The following TRPM3 variants were observed in gnomAD, a reference collection of about 807,000 sequenced individuals.
TRPM3 encodes the protein long transient receptor potential channel 3.
Under a neutral mutation model 181.2 loss-of-function variants are expected in TRPM3, and 77 were observed. The observed-to-expected ratio is 0.42, with a 90% confidence interval of 0.35 to 0.51. The LOEUF (loss-of-function observed/expected upper bound fraction) is 0.51, where lower values mean the gene tolerates loss of function less well. TRPM3 is among the 20% of genes least tolerant of loss of function. TRPM3 has a pLI of 0.01. For missense variants in TRPM3, 1,759 were observed against 2,196.7 expected, an observed-to-expected ratio of 0.80 and a Z score of 3.98; for synonymous variants, 745 against 796.4, an observed-to-expected ratio of 0.94 and a Z score of 1.09.
chr9:71,188,775 A>G (rs1014452923), intron 1 of TRPM3, among the ~76,000 whole-genome samples: 21 of 151,982 alleles, frequency 1.4e-4, no homozygotes, highest in Non-Finnish European at 2.1e-4. Flanking sequence ...GTGACAGTGA[A>G]CAAGTTACTC....
intron 1 of TRPM3, among the ~76,000 whole-genome samples, chr9:71,278,325 A>G (rs1310999608): frequency 6.6e-6 from 1 of 152,196 alleles, no homozygotes; most frequent in East Asian, 1.9e-4. Flanking sequence ...GAACATTAGC[A>G]CTTGGCCATG....
At chr9:70,675,470 C>T (rs1246883293) in intron 9 of TRPM3, among the ~76,000 whole-genome samples, 1 of 152,096 alleles carries the variant, frequency 6.6e-6, no homozygotes, top group African/African-American at 2.4e-5. Context: ...CTCCATGTAT[C>T]TATAAGTAAT....
Position 70,990,373 on chromosome 9 carries a change from C to T in TRPM3, c.178-125862G>A, listed in dbSNP as rs963802931. ...TGGCAGTAAAAATGAATGAGATTGC[C>T]TGCTTTAAAACTTCTGCCTAGAGCC... On this transcript the variant is annotated intron_variant, in intron 1 of 25. Transcript: ENST00000677713. Among the ~76,000 whole-genome samples the T allele has an allele frequency of 9.2e-5, 14 of 152,210 alleles. No individual in the cohort carries two copies. In the South Asian group the frequency reaches 2.1e-3, roughly 23 times the overall value.
chr9:71,072,727 A>T (rs2062938565), intron 1 of TRPM3, among the ~76,000 whole-genome samples: 1 of 152,196 alleles, frequency 6.6e-6, no homozygotes, highest in African/African-American at 2.4e-5. Context: ...ACTGGAGGCT[A>T]TGTGAGTAAA....
At chr9:71,367,129 C>T (rs1468670985) in intron 1 of TRPM3, among the ~76,000 whole-genome samples, 2 of 152,104 alleles carry the variant, frequency 1.3e-5, no homozygotes, top group Non-Finnish European at 2.9e-5. Context: ...CAATTTCCTT[C>T]CTTAAAATAA....
intron 12 of TRPM3, among the ~76,000 whole-genome samples, chr9:70,630,314 C>T (rs1321158866): frequency 6.6e-6 from 1 of 152,244 alleles, no homozygotes; most frequent in African/African-American, 2.4e-5. Flanking sequence ...ATGACCACTA[C>T]TTGGCAGGCT....
chr9:70,785,400 A>G (rs1446017256), intron 6 of TRPM3, among the ~76,000 whole-genome samples: 2 of 152,170 alleles, frequency 1.3e-5, no homozygotes, highest in African/African-American at 4.8e-5. Flanking sequence ...CTTTTGTTCA[A>G]TTTGGTATCA....
At chr9:70,902,759 C>A (rs1159538801) in intron 1 of TRPM3, among the ~76,000 whole-genome samples, 1 of 152,188 alleles carries the variant, frequency 6.6e-6, no homozygotes, top group Non-Finnish European at 1.5e-5. Flanking sequence ...TAATGCATCC[C>A]TCATGAGTGA....
intron 5 of TRPM3, among the ~76,000 whole-genome samples, chr9:70,828,576 C>T (rs373737312): frequency 3.9e-4 from 60 of 151,910 alleles, no homozygotes; most frequent in African/African-American, 1.3e-3. Context: ...AAATAATTGT[C>T]TCATGAGATA....
chr9:71,064,950 A>G (rs2061733685), intron 1 of TRPM3, among the ~76,000 whole-genome samples: 1 of 152,158 alleles, frequency 6.6e-6, no homozygotes, highest in Non-Finnish European at 1.5e-5. Context: ...AAAAAGTTGA[A>G]TTAATATATA....
chr9:71,239,577 T>C (rs773487810), intron 1 of TRPM3, among the ~76,000 whole-genome samples: 7 of 152,092 alleles, frequency 4.6e-5, no homozygotes, highest in Non-Finnish European at 8.8e-5. Context: ...AACCACCTTT[T>C]TACCTCAAAA....
At chr9:71,293,186 AATT>A (rs1275709726) in intron 1 of TRPM3, among the ~76,000 whole-genome samples, 1 of 151,878 alleles carries the variant, frequency 6.6e-6, no homozygotes, top group Non-Finnish European at 1.5e-5. Context: ...ACCTTACAGC[AATT>A]ATCTTTTCAA....
At chr9:70,983,250 T>C (rs1279584843) in intron 1 of TRPM3, among the ~76,000 whole-genome samples, 1 of 152,146 alleles carries the variant, frequency 6.6e-6, no homozygotes, top group Non-Finnish European at 1.5e-5. Context: ...CACTCTTTTG[T>C]AGGTTGATGC....
intron 1 of TRPM3, among the ~76,000 whole-genome samples, chr9:71,397,118 A>T (rs2093220364): frequency 6.6e-6 from 1 of 152,200 alleles, no homozygotes; most frequent in Non-Finnish European, 1.5e-5. Flanking sequence ...ATTTCTAAAT[A>T]AAAATAGCAC....
chr9:71,389,234 A>G lies in TRPM3; in HGVS notation c.183+57419T>C, dbSNP rs2093000476. ...GGCAAACAAACATGAAAAAATGCAC[A>G]ATATCACTAATGATCAGGGAAATGC... is the stretch of plus-strand genomic sequence containing the variant. On this transcript the variant is annotated intron_variant, in intron 1 of 24. Transcript: ENST00000357533. Among the ~76,000 whole-genome samples, 4 of 152,234 alleles carry G rather than the reference A, an allele frequency of 2.6e-5. No individual in the cohort carries two copies. In the South Asian group the frequency reaches 8.3e-4, roughly 32 times the overall value.
chr9:71,281,544 G>C (rs1452347966), intron 1 of TRPM3, among the ~76,000 whole-genome samples: 1 of 152,152 alleles, frequency 6.6e-6, no homozygotes, highest in Admixed American at 6.5e-5. Context: ...AATTCTGCTG[G>C]TGGGAGTTTA....
intron 1 of TRPM3, among the ~76,000 whole-genome samples, chr9:71,442,099 G>C (rs939889315): frequency 6.6e-6 from 1 of 152,182 alleles, no homozygotes; most frequent in African/African-American, 2.4e-5. Context: ...GAGTAGCTTT[G>C]GTAACCAGCT....
At chr9:70,911,537 C>A (rs989064070) in intron 1 of TRPM3, among the ~76,000 whole-genome samples, 4 of 152,196 alleles carry the variant, frequency 2.6e-5, no homozygotes, top group Non-Finnish European at 5.9e-5. Flanking sequence ...TCAATGGCAT[C>A]TTTAATTTAT....
chr9:70,646,688 G>A (rs1482655013), intron 9 of TRPM3, among the ~76,000 whole-genome samples: 2 of 151,930 alleles, frequency 1.3e-5, no homozygotes, highest in Admixed American at 1.3e-4. Flanking sequence ...TGCATGTTCT[G>A]CACATGTATC....
Sources: gnomAD v4.1 joint callset for allele counts (sites outside exome capture counted in the v4.1 genomes callset) on GRCh38, gnomAD v4.1.1 for gene constraint, MANE v1.5 for transcripts, NCBI Gene and HGNC (gene_info 2026-07-23, HGNC 2026-07-21) for gene names.